The following PTGFR variants were observed in gnomAD, a reference collection of about 807,000 sequenced individuals.
The protein encoded by PTGFR is prostaglandin F receptor.
In PTGFR, 15 loss-of-function variants were observed where a neutral mutation model predicts 26.2. The ratio of observed to expected loss-of-function variants is 0.57; its 90% CI spans 0.38 to 0.88. The LOEUF (loss-of-function observed/expected upper bound fraction) is 0.88. Among genes scored for constraint, PTGFR ranks in the 40% least tolerant of loss-of-function variants. The pLI is 0.00. For synonymous variants in PTGFR, 165 were observed against 151.1 expected, an observed-to-expected ratio of 1.09 and a Z score of -0.68; for missense variants, 369 against 427.2, an observed-to-expected ratio of 0.86 and a Z score of 1.20.
At chr1:78,497,914 T>C (rs1277367072) in intron 2 of PTGFR, 2 of 1,594,258 alleles carry the variant, frequency 1.3e-6, no homozygotes, top group South Asian at 2.2e-5. Context: ...AAATATAAAG[T>C]ATATGAAGAG....
chr1:78,512,736 A>C (rs1469646274), intron 2 of PTGFR, among the ~76,000 whole-genome samples: 1 of 152,162 alleles, frequency 6.6e-6, no homozygotes, highest in Non-Finnish European at 1.5e-5. Flanking sequence ...GATTCTCAGC[A>C]TTAGAGGTGG....
chr1:78,530,208 T>G (rs1650470740), intron 2 of PTGFR, among the ~76,000 whole-genome samples: 1 of 152,208 alleles, frequency 6.6e-6, no homozygotes, highest in South Asian at 2.1e-4. Flanking sequence ...TACCTTTTCA[T>G]TCTGGGACAG....
At chr1:78,532,119 TG>T (rs1650522435) in intron 2 of PTGFR, 9 of 352,540 alleles carry the variant, frequency 2.6e-5, no homozygotes, top group South Asian at 1.8e-4. Context: ...TGAAATATTT[TG>T]TAACTAGAGA....
At chr1:78,505,194 C>T (rs1649800131) in intron 2 of PTGFR, among the ~76,000 whole-genome samples, 1 of 145,200 alleles carries the variant, frequency 6.9e-6, no homozygotes, top group Admixed American at 7.1e-5. Flanking sequence ...GTGACCTTGG[C>T]TCACTGCAAC....
At position 78,494,314 on chromosome 1, in the gene PTGFR, T is replaced by C. The variant is rs141675198; in HGVS notation, c.798+773T>C. ...TATGACCTTAACTCCTTCTAATGTT[T>C]TGCTTTATAATGTAAGAAGTGACAA... On this transcript the variant is annotated intron_variant, in intron 2 of 2. Coordinates refer to ENST00000370757, the MANE Select transcript of PTGFR (RefSeq NM_000959.4). 9.9e-3 allele frequency among the ~76,000 whole-genome samples: 1,503 copies of C among 152,320 alleles called. 31 individuals carry two copies. Among genetic ancestry groups the C allele is most frequent in the African/African-American group, 0.034 (1,429 of 41,560 alleles).
chr1:78,536,651 T>A lies in PTGFR; in HGVS notation c.1044T>A (p.Ser348=), dbSNP rs375467612. The A allele has an allele frequency of 3.6e-5, 58 of 1,612,776 alleles. No homozygotes were observed. The highest frequency in any genetic ancestry group is 1.0e-4 in the Admixed American group (6 of 59,854). ...ATTCCTTAAAGGTTGCTGCTATTTC[T>A]GAGTCACCAGTTGCAGAGAAATCAG... ...IKNSLKVAAI[S]ESPVAEKSAS... is the part of the protein sequence containing the mutation. Residue 348 remains serine (S), a synonymous_variant, in exon 3 of 3, where the codon TCT becomes TCA. Transcript: ENST00000370757.
intron 2 of PTGFR, among the ~76,000 whole-genome samples, chr1:78,512,786 T>A (rs1231175398): frequency 6.6e-6 from 1 of 152,186 alleles, no homozygotes; most frequent in African/African-American, 2.4e-5. Context: ...GGCAGATTCC[T>A]TACAAATGGT....
intron 2 of PTGFR, among the ~76,000 whole-genome samples, chr1:78,493,927 A>C (rs1458848490): frequency 6.6e-6 from 1 of 152,266 alleles, no homozygotes; most frequent in Non-Finnish European, 1.5e-5. Flanking sequence ...TTAACTTGTA[A>C]ACAGGGCATA....
intron 2 of PTGFR, among the ~76,000 whole-genome samples, chr1:78,531,252 C>A (rs1650499696): frequency 6.6e-6 from 1 of 152,142 alleles, no homozygotes; most frequent in African/African-American, 2.4e-5. Context: ...GCAGAGGATG[C>A]AGGGATGGCA....
chr1:78,537,143 C>T lies in PTGFR; in HGVS notation c.*456C>T, dbSNP rs1650677704. ...TTTTTTGATCTGGCCTATTTTGCCC[C>T]TCATTGTGTAGCCTCAATTAACACA... On this transcript the variant is annotated 3_prime_UTR_variant, in exon 3 of 3. Transcript: ENST00000370757. The T allele has an allele frequency of 6.5e-6, 1 of 154,654 alleles. No homozygotes were observed. The highest frequency in any genetic ancestry group is 1.4e-5 in the Non-Finnish European group (1 of 69,916). The allele number at this position is 154,654 out of a possible 1,614,324, so 9.6% of individuals were successfully genotyped here.
chr1:78,520,927 T>A (rs1207289324), intron 2 of PTGFR, among the ~76,000 whole-genome samples: 1 of 152,092 alleles, frequency 6.6e-6, no homozygotes, highest in Non-Finnish European at 1.5e-5. Context: ...AGGCAAGTAA[T>A]GGCAAGGTCC....
At chr1:78,494,145 T>G (rs1649486500) in intron 2 of PTGFR, among the ~76,000 whole-genome samples, 1 of 152,276 alleles carries the variant, frequency 6.6e-6, no homozygotes, top group East Asian at 1.9e-4. Context: ...TTCATTCATT[T>G]AACATTTTAA....
rs1650709338 is a variant in PTGFR at position 78,538,404 on chromosome 1, C to T, written c.*1717C>T. Reference sequence around the variant, plus strand: ...GGAGATCTTGCAACATGGCCATGTGCAAGGCTTTAAGGAGTGAGAGAGATG... The same window carrying T: ...GGAGATCTTGCAACATGGCCATGTGTAAGGCTTTAAGGAGTGAGAGAGATG... On this transcript the variant is annotated 3_prime_UTR_variant, in exon 3 of 3. Transcript: ENST00000370757. 1 of 151,776 alleles carries T rather than the reference C, an allele frequency of 6.6e-6. No individual in the cohort carries two copies. The highest frequency in any genetic ancestry group is 1.5e-5 in the Non-Finnish European group (1 of 67,966). 9.4% of individuals were successfully genotyped at this position (151,776 alleles called of 1,614,324 possible).
chr1:78,501,934 T>G (rs1222332479), intron 2 of PTGFR, among the ~76,000 whole-genome samples: 1 of 152,124 alleles, frequency 6.6e-6, no homozygotes, highest in African/African-American at 2.4e-5. Context: ...CCAAAAATAC[T>G]CAAAAAGTTT....
intron 2 of PTGFR, among the ~76,000 whole-genome samples, chr1:78,520,251 C>A (rs190962989): frequency 6.6e-6 from 1 of 152,044 alleles, no homozygotes; most frequent in Non-Finnish European, 1.5e-5. Flanking sequence ...TACTCGAATA[C>A]AAATATATAC....
At chr1:78,504,607 T>C (rs1649782669) in intron 2 of PTGFR, among the ~76,000 whole-genome samples, 1 of 152,320 alleles carries the variant, frequency 6.6e-6, no homozygotes, top group Admixed American at 6.5e-5. Context: ...TTACTGATTG[T>C]TTCATGTTTA....
intron 2 of PTGFR, among the ~76,000 whole-genome samples, chr1:78,527,631 T>C (rs1185614803): frequency 6.6e-6 from 1 of 152,148 alleles, no homozygotes; most frequent in Non-Finnish European, 1.5e-5. Flanking sequence ...AATATAACAG[T>C]ATCAGGAACT....
intron 2 of PTGFR, among the ~76,000 whole-genome samples, chr1:78,526,741 C>A (rs1020820475): frequency 6.6e-6 from 1 of 152,036 alleles, no homozygotes; most frequent in African/African-American, 2.4e-5. Flanking sequence ...CAGACACTGA[C>A]CTGTATTGTG....
rs1477066844 is a variant in PTGFR at position 78,536,607 on chromosome 1, G to A, written c.1000G>A (p.Glu334Lys). 6.2e-7 allele frequency: 1 copy of A among 1,613,254 alleles called. No homozygotes were observed. The highest frequency in any genetic ancestry group is 8.5e-7 in the Non-Finnish European group (1 of 1,179,544). ...GCATGTCATCAGCTTACATATTTGGGAGCTTAGTTCCATTAAAAATTCCTT... is the reference window on the plus strand; with the variant it reads ...GCATGTCATCAGCTTACATATTTGGAAGCTTAGTTCCATTAAAAATTCCTT... The part of the protein sequence containing the change: ...GVHVISLHIW[E>K]LSSIKNSLKV... The change falls in exon 3 of 3, where the codon GAG becomes AAG. Residue 334 changes from glutamate to lysine, a missense_variant. By Grantham distance (56) the Glu-to-Lys change is moderately conservative (BLOSUM62 1). Transcript: ENST00000370757.
Sources: gnomAD v4.1 joint callset for allele counts (sites outside exome capture counted in the v4.1 genomes callset) on GRCh38, gnomAD v4.1.1 for gene constraint, MANE v1.5 for transcripts, NCBI Gene and HGNC (gene_info 2026-07-23, HGNC 2026-07-21) for gene names.